ZNF652: variants seen among roughly 807,000 people sequenced by gnomAD.
ZNF652 encodes zinc finger protein 652.
A neutral mutation model predicts 45.2 loss-of-function variants in ZNF652; 16 were observed. The ratio of observed to expected loss-of-function variants is 0.35; its 90% confidence interval spans 0.24 to 0.54. The LOEUF (loss-of-function observed/expected upper bound fraction) is 0.54. Among genes scored for constraint, ZNF652 ranks in the 20% least tolerant of loss-of-function variants. The pLI, the probability that ZNF652 is intolerant of heterozygous loss-of-function variation, is 0.91. For missense variants in ZNF652, 614 were observed against 765.6 expected (o/e 0.80, Z 2.34); for synonymous variants, 250 against 260.6 (o/e 0.96, Z 0.39).
Position 49,356,459 on chromosome 17 carries a change from C to A in ZNF652, c.-259+5450G>T, listed in dbSNP as rs201462949. Reference sequence around the variant, plus strand: ...AAAAAAAAAAAAAAAAAATCAAAACCAAAAAAAAAACAAAAAAAACCCCTC... The same window carrying A: ...AAAAAAAAAAAAAAAAAATCAAAACAAAAAAAAAAACAAAAAAAACCCCTC... On this transcript the variant is annotated intron_variant, in intron 1 of 5. Coordinates refer to ENST00000430262, the MANE Select transcript of ZNF652 (RefSeq NM_001145365.3). Among the ~76,000 whole-genome samples the A allele has an allele frequency of 1.1e-3, 138 of 122,998 alleles. 2 individuals carry two copies. Among genetic ancestry groups the A allele is most frequent in the African/African-American group, 1.0e-3 (34 of 32,508 alleles). The allele number at this position is 122,998 out of a possible 152,430, so 80.7% of individuals were successfully genotyped here.
In ZNF652 at chr17:49,291,465, C is replaced by T. The variant is rs373990401; in HGVS notation, c.*6948G>A. On this transcript the variant is annotated 3_prime_UTR_variant, in exon 6 of 6. Coordinates refer to ENST00000430262, the MANE Select transcript of ZNF652 (RefSeq NM_001145365.3). ...GCCCCATCCTCACTTCCTATGAAAT[C>T]ATTTTCAAGTAATATGTAACATCCC... 26 of 152,300 alleles carry T rather than the reference C, an allele frequency of 1.7e-4. No homozygotes were observed. Among genetic ancestry groups the T allele is most frequent in the African/African-American group, 6.0e-4 (25 of 41,562 alleles). The allele number at this position is 152,300 out of a possible 1,614,324, so 9.4% of individuals were successfully genotyped here. A position where few individuals can be genotyped will look rare whatever the true frequency, so the allele number is the denominator to read the frequency against.
rs370705560 is a variant in ZNF652, at chr17:49,299,068, G to T, written c.1310-144C>A. The T allele has an allele frequency of 4.7e-6, 4 of 860,116 alleles. No individual in the cohort carries two copies. The African/African-American group carries it at 6.8e-5, about 15-fold the overall frequency. The allele number at this position is 860,116 out of a possible 1,614,324, so 53.3% of individuals were successfully genotyped here. A position where few individuals can be genotyped will look rare whatever the true frequency, so the allele number is the denominator to read the frequency against. On this transcript the variant is annotated intron_variant, in intron 5 of 5. Coordinates refer to ENST00000430262, the MANE Select transcript of ZNF652 (RefSeq NM_001145365.3). ...TGGCCTCAAGTGATCCTCCCATCTT[G>T]GCCTCCCAAAGTGCTGCGATTACAG...
intron 1 of ZNF652, 108 bp downstream of exon 1, chr17:49,361,801 C>CGCCGGCCCCCGGAGCCCGG (rs1196296850): frequency 1.3e-5 from 2 of 151,814 alleles, no homozygotes; most frequent in Non-Finnish European, 2.9e-5. Flanking sequence ...CGAAGGGTTA[C>CGCCGGCCCCCGGAGCCCGG]GCCGGCCCCC....
intron 1 of ZNF652, among the ~76,000 whole-genome samples, chr17:49,330,836 A>C (rs1333722335): frequency 1.3e-5 from 2 of 151,516 alleles, no homozygotes; most frequent in Non-Finnish European, 1.5e-5. Flanking sequence ...GGATCACCTG[A>C]GATTGGGAGT....
intron 1 of ZNF652, among the ~76,000 whole-genome samples, chr17:49,351,574 C>A (rs1048237201): frequency 6.6e-6 from 1 of 151,964 alleles, no homozygotes; most frequent in East Asian, 1.9e-4. Context: ...CTCAAAACCA[C>A]GGACATACAT....
intron 5 of ZNF652, among the ~76,000 whole-genome samples, chr17:49,302,878 C>T (rs1425683726): frequency 1.3e-5 from 2 of 151,962 alleles, no homozygotes; most frequent in Admixed American, 6.6e-5. Flanking sequence ...AGGAGAATCG[C>T]TTGAACCCAG....
chr17:49,310,297 C>G (rs2069692516), intron 5 of ZNF652, among the ~76,000 whole-genome samples: 1 of 152,136 alleles, frequency 6.6e-6, no homozygotes, highest in Non-Finnish European at 1.5e-5. Flanking sequence ...ACTAATGGAA[C>G]CTGGAATCCT....
intron 5 of ZNF652, among the ~76,000 whole-genome samples, chr17:49,310,310 G>A (rs992827110): frequency 3.1e-4 from 47 of 152,248 alleles, no homozygotes; most frequent in Admixed American, 2.7e-3. Context: ...GGAATCCTGT[G>A]ATTAGATTTT....
intron 5 of ZNF652, among the ~76,000 whole-genome samples, chr17:49,300,313 G>T (rs1598281245): frequency 1.3e-5 from 2 of 152,130 alleles, no homozygotes; most frequent in Admixed American, 1.3e-4. Context: ...AATGTCCGTG[G>T]GTGTAGGGAG....
chr17:49,324,448 T>A (rs2069934092), intron 1 of ZNF652, among the ~76,000 whole-genome samples: 1 of 152,122 alleles, frequency 6.6e-6, no homozygotes. Context: ...TGGAGTGCAG[T>A]GGCGTGATCT....
intron 1 of ZNF652, among the ~76,000 whole-genome samples, chr17:49,318,717 TA>T (rs2069845985): frequency 6.6e-6 from 1 of 152,222 alleles, no homozygotes; most frequent in Non-Finnish European, 1.5e-5. Context: ...AAGAGCTTTA[TA>T]TTGGCTGACT....
intron 1 of ZNF652, among the ~76,000 whole-genome samples, chr17:49,339,604 A>C (rs2070122617): frequency 6.6e-6 from 1 of 152,204 alleles, no homozygotes; most frequent in African/African-American, 2.4e-5. Context: ...TGAAGCTGCT[A>C]GTCAGTGACA....
rs1243060068 is a variant in ZNF652 at position 49,317,919 on chromosome 17, G to GC, written c.-195dup. 1.7e-5 allele frequency: 10 copies of GC among 575,956 alleles called. No individual in the cohort carries two copies. The highest frequency in any genetic ancestry group is 2.6e-5 in the Non-Finnish European group (9 of 351,598). The allele number at this position is 575,956 out of a possible 1,614,324, so 35.7% of individuals were successfully genotyped here. Reference sequence around the variant, plus strand: ...TGAGTCAAAAAGGTTTGGTATTATGGCAAGAGCAGAGCACTAGTGATTTTT... The same window carrying GC: ...TGAGTCAAAAAGGTTTGGTATTATGGCCAAGAGCAGAGCACTAGTGATTTTT... On this transcript the variant is annotated 5_prime_UTR_variant, in exon 2 of 6. An upstream open reading frame in the 5' UTR gains an earlier in-frame stop. Transcript: ENST00000430262.
At position 49,295,762 on chromosome 17, in the gene ZNF652, A is replaced by T. The variant is rs1201000308; in HGVS notation, c.*2651T>A. 1 of 151,888 alleles carries T rather than the reference A, an allele frequency of 6.6e-6. No homozygotes were observed. Among genetic ancestry groups the T allele is most frequent in the African/African-American group, 2.4e-5 (1 of 41,348 alleles). The allele number at this position is 151,888 out of a possible 1,614,324, so 9.4% of individuals were successfully genotyped here. ...AGACCAGCCTGGCCAATATGGTGAA[A>T]CCCCATCTCTGCCAAAAATACAAAA... On this transcript the variant is annotated 3_prime_UTR_variant, in exon 6 of 6. Coordinates refer to ENST00000430262, the MANE Select transcript of ZNF652 (RefSeq NM_001145365.3).
At position 49,312,898 on chromosome 17, in the gene ZNF652, C is replaced by A. The variant is rs530226037; in HGVS notation, c.901-53G>T. The A allele has an allele frequency of 3.8e-4, 602 of 1,566,238 alleles. 1 individual carries two copies. Among genetic ancestry groups the A allele is most frequent in the Non-Finnish European group, 3.4e-4 (397 of 1,152,434 alleles). On this transcript the variant is annotated intron_variant, in intron 2 of 5. Transcript: ENST00000430262. ...TATAGGGGCTTACAGCATGCCATAC[C>A]AGCCTACTGGCAGACCAAACGGATG... is the stretch of plus-strand genomic sequence containing the variant.
chr17:49,304,373 A>G (rs530261322), intron 5 of ZNF652, among the ~76,000 whole-genome samples: 3 of 152,230 alleles, frequency 2.0e-5, no homozygotes, highest in Non-Finnish European at 4.4e-5. Flanking sequence ...TTCACTTGAC[A>G]TTAACCCACA....
intron 1 of ZNF652, among the ~76,000 whole-genome samples, chr17:49,333,080 CAG>C (rs1289960938): frequency 8.6e-5 from 13 of 150,668 alleles, no homozygotes; most frequent in South Asian, 8.4e-4. Flanking sequence ...TTTTTTGAGA[CAG>C]AGTCTCGCTC....
At chr17:49,300,514 A>T (rs4794038) in intron 5 of ZNF652, among the ~76,000 whole-genome samples, 34,809 of 152,036 alleles carry the variant, frequency 0.23, 4,125 homozygotes, top group South Asian at 0.32. Context: ...CTGCTTCTCT[A>T]CCCAGGCTAT....
intron 2 of ZNF652, among the ~76,000 whole-genome samples, chr17:49,313,626 T>C (rs2069749921): frequency 6.6e-6 from 1 of 151,848 alleles, no homozygotes; most frequent in Non-Finnish European, 1.5e-5. Context: ...TACATATTAG[T>C]GGTATAGGTA....
Sources: gnomAD v4.1 joint callset for allele counts (sites outside exome capture counted in the v4.1 genomes callset) on GRCh38, gnomAD v4.1.1 for gene constraint, MANE v1.5 for transcripts, NCBI Gene and HGNC (gene_info 2026-07-23, HGNC 2026-07-21) for gene names.